Variants in CDYL2 observed in about 807,000 individuals in gnomAD.
The protein encoded by CDYL2 is chromodomain Y-like protein 2.
In CDYL2, 23 loss-of-function variants were observed where a neutral mutation model predicts 49.4. The ratio of observed to expected loss-of-function variants is 0.47; its 90% CI spans 0.34 to 0.66. The LOEUF is 0.66. CDYL2 is among the 30% of genes least tolerant of loss of function. The pLI, the probability that CDYL2 is intolerant of heterozygous loss-of-function variation, is 0.01. For missense variants in CDYL2, 678 were observed against 656.4 expected, an observed-to-expected ratio of 1.03 and a Z score of -0.36; for synonymous variants, 360 against 268.8, an observed-to-expected ratio of 1.34 and a Z score of -3.32.
chr16:80,711,936 G>A (rs1486261308), intron 1 of CDYL2, among the ~76,000 whole-genome samples: 1 of 150,912 alleles, frequency 6.6e-6, no homozygotes, highest in Non-Finnish European at 1.5e-5. Flanking sequence ...AGGGGAGAAG[G>A]ACACCCATAT....
chr16:80,650,786 C>T (rs542889385), intron 2 of CDYL2, among the ~76,000 whole-genome samples: 1 of 152,102 alleles, frequency 6.6e-6, no homozygotes, highest in African/African-American at 2.4e-5. Context: ...TACTACTCAG[C>T]CATAAAAAAA....
At chr16:80,716,970 G>C (rs761556068) in intron 1 of CDYL2, among the ~76,000 whole-genome samples, 6 of 149,222 alleles carry the variant, frequency 4.0e-5, no homozygotes, top group Non-Finnish European at 3.0e-5. Context: ...AGATGGATGA[G>C]TGGATAGATG....
Position 80,666,539 on chromosome 16 carries a change from G to C in CDYL2, c.616+17999C>G, listed in dbSNP as rs564342741. ...CTACTGTGGCTTCGTGAATATAAAG[G>C]GAAGAGGAACACAGCAAGCAGGGCC... is the stretch of plus-strand genomic sequence containing the variant. On this transcript the variant is annotated intron_variant, in intron 2 of 6. Transcript: ENST00000570137. Among the ~76,000 whole-genome samples, 6 of 151,848 alleles carry C rather than the reference G, an allele frequency of 4.0e-5. No individual in the cohort carries two copies. In the South Asian group the frequency reaches 1.3e-3, roughly 32 times the overall value.
intron 2 of CDYL2, among the ~76,000 whole-genome samples, chr16:80,647,689 G>C (rs1050913414): frequency 1.4e-4 from 22 of 152,110 alleles, no homozygotes; most frequent in African/African-American, 4.8e-4. Context: ...AGGCCAAATG[G>C]ACTTAATATT....
chr16:80,770,553 C>T (rs1325225271), intron 1 of CDYL2, among the ~76,000 whole-genome samples: 2 of 149,132 alleles, frequency 1.3e-5, no homozygotes, highest in Non-Finnish European at 3.0e-5. Context: ...TTCCTGCCCA[C>T]AAAAAAAAAT....
intron 4 of CDYL2, among the ~76,000 whole-genome samples, chr16:80,616,350 G>C (rs919734301): frequency 1.3e-5 from 2 of 152,176 alleles, no homozygotes; most frequent in Non-Finnish European, 2.9e-5. Context: ...GATCCCTGCT[G>C]CTATTATTAT....
intron 1 of CDYL2, among the ~76,000 whole-genome samples, chr16:80,790,830 G>A (rs975266782): frequency 5.3e-5 from 8 of 152,112 alleles, no homozygotes; most frequent in East Asian, 3.9e-4. Context: ...CCTCCCTGCC[G>A]TCCTCTGCTA....
intron 1 of CDYL2, among the ~76,000 whole-genome samples, chr16:80,730,687 G>A (rs1905297230): frequency 6.6e-6 from 1 of 152,132 alleles, no homozygotes. Flanking sequence ...GATGAACATT[G>A]ATGCAAAAAT....
chr16:80,607,891 A>G (rs1906414156), intron 6 of CDYL2, among the ~76,000 whole-genome samples: 1 of 152,198 alleles, frequency 6.6e-6, no homozygotes, highest in African/African-American at 2.4e-5. Context: ...GAGATGATGG[A>G]CAATTTGTAA....
intron 1 of CDYL2, among the ~76,000 whole-genome samples, chr16:80,749,283 T>C (rs1906047203): frequency 6.6e-6 from 1 of 152,216 alleles, no homozygotes; most frequent in Non-Finnish European, 1.5e-5. Flanking sequence ...TTTAAAATTG[T>C]TGAAAACATA....
intron 1 of CDYL2, among the ~76,000 whole-genome samples, chr16:80,755,224 G>T (rs1906269703): frequency 6.6e-6 from 1 of 152,124 alleles, no homozygotes; most frequent in Non-Finnish European, 1.5e-5. Flanking sequence ...GTGGCAGTAG[G>T]GACTCTAAGA....
chr16:80,613,217 C>G (rs893440454), intron 4 of CDYL2, among the ~76,000 whole-genome samples: 1 of 151,936 alleles, frequency 6.6e-6, no homozygotes, highest in African/African-American at 2.4e-5. Context: ...AGAAGCAGAA[C>G]CACAGGGAAG....
chr16:80,704,977 T>C (rs1412844451), intron 1 of CDYL2, among the ~76,000 whole-genome samples: 1 of 152,176 alleles, frequency 6.6e-6, no homozygotes, highest in African/African-American at 2.4e-5. Flanking sequence ...AGGCTTGACA[T>C]GCTTATTGTC....
intron 1 of CDYL2, among the ~76,000 whole-genome samples, chr16:80,743,037 G>A (rs1413755399): frequency 3.3e-5 from 5 of 151,458 alleles, no homozygotes; most frequent in Admixed American, 3.3e-4. Flanking sequence ...TGGGTGGGTA[G>A]GTGGGTGGAT....
intron 1 of CDYL2, among the ~76,000 whole-genome samples, chr16:80,753,639 C>G (rs1297166085): frequency 6.6e-6 from 1 of 151,980 alleles, no homozygotes; most frequent in Non-Finnish European, 1.5e-5. Context: ...ATTCCAGATC[C>G]ATCACCTCTC....
At chr16:80,787,803 T>C (rs971803327) in intron 1 of CDYL2, among the ~76,000 whole-genome samples, 14 of 152,246 alleles carry the variant, frequency 9.2e-5, no homozygotes, top group African/African-American at 2.7e-4. Flanking sequence ...TAAATGGTTT[T>C]ACTTACTTGA....
chr16:80,747,056 G>A (rs1051578235), intron 1 of CDYL2, among the ~76,000 whole-genome samples: 4 of 152,150 alleles, frequency 2.6e-5, no homozygotes, highest in Non-Finnish European at 5.9e-5. Context: ...AGGGTTGGCT[G>A]CCATTTATCA....
chr16:80,700,102 G>A (rs913892939), intron 1 of CDYL2, among the ~76,000 whole-genome samples: 4 of 152,074 alleles, frequency 2.6e-5, no homozygotes, highest in Non-Finnish European at 4.4e-5. Flanking sequence ...CTCATGATCC[G>A]CCCGCCTCGG....
chr16:80,612,696 T>A lies in CDYL2; in HGVS notation c.1148A>T (p.Tyr383Phe). Residue 383 changes from tyrosine to phenylalanine, a missense_variant, in exon 5 of 7, where the codon TAC becomes TTC. Around this residue, in one of 3 missense-constraint regions of CDYL2, gnomAD observed 47 missense variants for 78.8 expected, o/e 0.60. Coordinates refer to ENST00000570137, the MANE Select transcript of CDYL2 (RefSeq NM_152342.4). This position sits in a 1 kb window ranked among gnomAD's most constrained non-coding sequence, Gnocchi z 5.0. ...ASEKAWFQTPYATIRLTPAGC... is the reference protein window; with the variant it reads ...ASEKAWFQTPFATIRLTPAGC... ...AGCAGGCGTGAGGCGGATGGTGGCGTAGGGCGTCTGGAACCAGGCCTTCTC... is the reference window on the plus strand; with the variant it reads ...AGCAGGCGTGAGGCGGATGGTGGCGAAGGGCGTCTGGAACCAGGCCTTCTC... 1 of 1,613,248 alleles carries A rather than the reference T, an allele frequency of 6.2e-7. No individual in the cohort carries two copies. The highest frequency in any genetic ancestry group is 8.5e-7 in the Non-Finnish European group (1 of 1,179,938).
Sources: gnomAD v4.1 joint callset for allele counts (sites outside exome capture counted in the v4.1 genomes callset) on GRCh38, gnomAD v4.1.1 for gene constraint, gnomAD v4.1.1 regional missense constraint, Gnocchi (gnomAD v3.1) non-coding constraint, MANE v1.5 for transcripts, NCBI Gene and HGNC (gene_info 2026-07-23, HGNC 2026-07-21) for gene names.